The following KLHL2 variants were observed in gnomAD, a reference collection of about 807,000 sequenced individuals.
The protein encoded by KLHL2 is kelch like family member 2, also known as kelch-like protein 2.
Under a neutral mutation model 75.8 loss-of-function variants are expected in KLHL2, and 15 were observed. The ratio of observed to expected loss-of-function variants is 0.20; its 90% confidence interval spans 0.13 to 0.30. The LOEUF (loss-of-function observed/expected upper bound fraction) is 0.30. KLHL2 is among the 10% of genes least tolerant of loss of function. KLHL2 has a pLI of 1.00. For synonymous variants in KLHL2, 214 were observed against 251.9 expected (o/e 0.85, Z 1.42); for missense variants, 381 against 741.0 (o/e 0.51, Z 5.64).
intron 2 of KLHL2, among the ~76,000 whole-genome samples, chr4:165,227,892 A>G (rs1738572604): frequency 6.6e-6 from 1 of 151,844 alleles, no homozygotes; most frequent in Non-Finnish European, 1.5e-5. Context: ...TTTTGAGGTA[A>G]CAAAATGCTT....
At chr4:165,228,020 C>T (rs1489696396) in intron 2 of KLHL2, among the ~76,000 whole-genome samples, 1 of 152,036 alleles carries the variant, frequency 6.6e-6, no homozygotes, top group Non-Finnish European at 1.5e-5. Context: ...GTCTCAGCCT[C>T]CTCAGTAGCT....
chr4:165,275,342 T>C (rs1270124992), intron 5 of KLHL2, among the ~76,000 whole-genome samples: 1 of 152,120 alleles, frequency 6.6e-6, no homozygotes, highest in Non-Finnish European at 1.5e-5. Context: ...GCCAAAAATA[T>C]AGAGGAGATA....
intron 3 of KLHL2, among the ~76,000 whole-genome samples, chr4:165,229,200 A>G (rs1162514294): frequency 6.6e-6 from 1 of 152,198 alleles, no homozygotes; most frequent in Non-Finnish European, 1.5e-5. Flanking sequence ...TTGGCACTTT[A>G]TTATTTTGAC....
intron 3 of KLHL2, among the ~76,000 whole-genome samples, chr4:165,233,350 G>A (rs1262532768): frequency 2.6e-5 from 4 of 152,236 alleles, no homozygotes; most frequent in African/African-American, 9.6e-5. Context: ...CATTTAGAAA[G>A]CTGTTTGCTT....
intron 9 of KLHL2, among the ~76,000 whole-genome samples, chr4:165,307,258 A>C (rs1409155692): frequency 6.6e-6 from 1 of 152,254 alleles, no homozygotes; most frequent in Non-Finnish European, 1.5e-5. Flanking sequence ...CAGTGAGCCA[A>C]GACCTCGCCA....
chr4:165,264,753 T>TATAC (rs1742096014), intron 5 of KLHL2, among the ~76,000 whole-genome samples: 4 of 81,672 alleles, frequency 4.9e-5, no homozygotes, highest in East Asian at 3.4e-4. Context: ...TATATATATA[T>TATAC]ATATATATAT....
In KLHL2 at chr4:165,278,740, G is replaced by A. The variant is rs759363426; in HGVS notation, c.544+15381G>A. ...CTCTGCCAAGTTTGTAAGCCACTGT[G>A]GTGAGAAGGCCATGATCAGAAAATA... On this transcript the variant is annotated intron_variant, in intron 5 of 14. Transcript: ENST00000226725. The A allele has an allele frequency of 6.3e-6, 10 of 1,587,546 alleles. No homozygotes were observed. In the Middle Eastern group the frequency reaches 5.0e-4, roughly 79 times the overall value.
intron 4 of KLHL2, among the ~76,000 whole-genome samples, chr4:165,244,535 T>G (rs1277199000): frequency 6.6e-6 from 1 of 152,210 alleles, no homozygotes; most frequent in Non-Finnish European, 1.5e-5. Flanking sequence ...GGTGGAGATT[T>G]GTTTTAAAAA....
intron 4 of KLHL2, among the ~76,000 whole-genome samples, chr4:165,257,566 C>G (rs1260782542): frequency 6.6e-6 from 1 of 152,094 alleles, no homozygotes; most frequent in Non-Finnish European, 1.5e-5. Context: ...CCTGCTTGGG[C>G]CTGGTTGCTG....
At chr4:165,277,588 A>C (rs1480835127) in intron 5 of KLHL2, among the ~76,000 whole-genome samples, 1 of 152,246 alleles carries the variant, frequency 6.6e-6, no homozygotes, top group Non-Finnish European at 1.5e-5. Context: ...GCAAAGACTC[A>C]AGTCCTGTTC....
intron 4 of KLHL2, among the ~76,000 whole-genome samples, chr4:165,242,262 A>G (rs568769466): frequency 1.5e-4 from 23 of 152,298 alleles, no homozygotes; most frequent in Middle Eastern, 3.4e-3. Context: ...AAATCTGGGA[A>G]ATAGAGAAAA....
At chr4:165,294,248 G>A in intron 5 of KLHL2, 111 bp from the exon 6 acceptor site, 1 of 641,394 alleles carries the variant, frequency 1.6e-6, no homozygotes, top group South Asian at 2.0e-5. Context: ...TGTGCAATTG[G>A]TTTTCTCATT....
chr4:165,211,185 AC>A (rs1405253106), intron 1 of KLHL2, among the ~76,000 whole-genome samples: 11 of 152,232 alleles, frequency 7.2e-5, no homozygotes, highest in African/African-American at 2.4e-4. Context: ...AAAGAAAAAA[AC>A]AATTGAAGTC....
At chr4:165,249,423 A>G (rs797012540) in intron 4 of KLHL2, among the ~76,000 whole-genome samples, 16 of 152,360 alleles carry the variant, frequency 1.1e-4, no homozygotes, top group African/African-American at 3.8e-4. Flanking sequence ...AGAATTAGTA[A>G]TCAGAGCTTC....
chr4:165,281,024 G>A (rs947923285), intron 5 of KLHL2, among the ~76,000 whole-genome samples: 2 of 152,190 alleles, frequency 1.3e-5, no homozygotes, highest in Non-Finnish European at 2.9e-5. Flanking sequence ...CACTTTGTCT[G>A]TTAGGGATGA....
intron 4 of KLHL2, among the ~76,000 whole-genome samples, chr4:165,251,068 AG>A (rs1359211042): frequency 7.1e-6 from 1 of 140,850 alleles, no homozygotes. Flanking sequence ...ATGGGATAGA[AG>A]TCCTTTGTGA....
At chr4:165,277,746 AAAAC>A (rs1560796042) in intron 5 of KLHL2, 2 of 492,914 alleles carry the variant, frequency 4.1e-6, no homozygotes, top group African/African-American at 2.7e-5. Context: ...GTGGATGTTA[AAAAC>A]ACACACACAC....
At chr4:165,304,378 G>C (rs1470982898) in intron 8 of KLHL2, among the ~76,000 whole-genome samples, 1 of 152,116 alleles carries the variant, frequency 6.6e-6, no homozygotes. Flanking sequence ...GTACAGGTAG[G>C]TCATTGCCTA....
In KLHL2 at chr4:165,279,640, T is replaced by C. The variant is rs1388286004; in HGVS notation, c.545-14719T>C. On this transcript the variant is annotated intron_variant, in intron 5 of 14. Transcript: ENST00000226725. ...GCCCCAAAACTGCCTTCTTTGAGGCTGCCATGAAACCAGCTTCAGGTCCGC... is the reference window on the plus strand; with the variant it reads ...GCCCCAAAACTGCCTTCTTTGAGGCCGCCATGAAACCAGCTTCAGGTCCGC... 4 of 1,611,210 alleles carry C rather than the reference T, an allele frequency of 2.5e-6. No individual in the cohort carries two copies. In the South Asian group the frequency reaches 3.3e-5, roughly 13 times the overall value.
Sources: allele counts gnomAD v4.1 joint callset (sites outside exome capture counted in the v4.1 genomes callset), GRCh38; gene constraint gnomAD v4.1.1; transcripts MANE v1.5; gene names NCBI Gene and HGNC (gene_info 2026-07-23, HGNC 2026-07-21).